RNF157: variants seen among roughly 807,000 people sequenced by gnomAD.
RNF157 encodes E3 ubiquitin ligase RNF157.
A neutral mutation model predicts 88.3 loss-of-function variants in RNF157; 55 were observed. The observed-to-expected ratio is 0.62, with a 90% CI of 0.50 to 0.78. The LOEUF is 0.78. Among genes scored for constraint, RNF157 ranks in the 30% least tolerant of loss-of-function variants. The pLI is 0.00. For missense variants in RNF157, 788 were observed against 860.8 expected, an observed-to-expected ratio of 0.92 and a Z score of 1.06; for synonymous variants, 334 against 341.2, an observed-to-expected ratio of 0.98 and a Z score of 0.23.
At chr17:76,188,679 TACAA>T (rs2069333672) in intron 2 of RNF157, among the ~76,000 whole-genome samples, 1 of 152,222 alleles carries the variant, frequency 6.6e-6, no homozygotes, top group Non-Finnish European at 1.5e-5. Flanking sequence ...TGGTCATTAA[TACAA>T]ACATTCTCTT....
chr17:76,169,413 T>G (rs1024842686), intron 3 of RNF157, among the ~76,000 whole-genome samples: 5 of 152,086 alleles, frequency 3.3e-5, no homozygotes, highest in Admixed American at 2.6e-4. Context: ...GCATAGCTTT[T>G]GTTTCCAATT....
At chr17:76,159,275 A>C in intron 12 of RNF157, 60 bp downstream of exon 12, 8 of 1,416,980 alleles carry the variant, frequency 5.6e-6, no homozygotes, top group Non-Finnish European at 8.0e-6. Flanking sequence ...AGCACCAAGG[A>C]GGGATGAAGC....
chr17:76,158,895 T>G (rs2068807045), intron 12 of RNF157, among the ~76,000 whole-genome samples: 2 of 152,106 alleles, frequency 1.3e-5, no homozygotes. Flanking sequence ...ATTTACAGGG[T>G]CTCAATATTT....
rs1022232178 is a variant in RNF157, at chr17:76,176,678, C to T, written c.208-2888G>A. ...CTGGAGGCCACCCCATGGGGCTGGC[C>T]GGGTTACCCACCAGCAGAGGAGCAG... On this transcript the variant is annotated intron_variant, in intron 2 of 18. Coordinates refer to ENST00000269391, the MANE Select transcript of RNF157 (RefSeq NM_052916.3). This position sits in a 1 kb window ranked among gnomAD's most constrained non-coding sequence, Gnocchi z 4.2. Among the ~76,000 whole-genome samples, 17 of 152,170 alleles carry T rather than the reference C, an allele frequency of 1.1e-4. No individual in the cohort carries two copies. The highest frequency in any genetic ancestry group is 3.9e-4 in the African/African-American group (16 of 41,438).
chr17:76,152,569 CAT>C, intron 17 of RNF157, 104 bp from the exon 18 acceptor site: 2 of 723,140 alleles, frequency 2.8e-6, no homozygotes, highest in South Asian at 3.2e-5. Context: ...AAAATCAAAT[CAT>C]ATGTTAAAAA....
Position 76,166,472 on chromosome 17 carries a change from T to C in RNF157, c.617A>G (p.Asp206Gly), listed in dbSNP as rs2068926626. The C allele has an allele frequency of 1.2e-6, 2 of 1,613,356 alleles. No homozygotes were observed. Among genetic ancestry groups the C allele is most frequent in the Non-Finnish European group, 1.7e-6 (2 of 1,179,818 alleles). The change falls in exon 6 of 19, where the codon GAT becomes GGT. Residue 206 changes from aspartate to glycine, a missense_variant. Physicochemically the swap from Asp to Gly is moderately conservative, Grantham distance 94. Coordinates refer to ENST00000269391, the MANE Select transcript of RNF157 (RefSeq NM_052916.3). ...VYPLVVHAVV[D>G]EGDEYFGHCH... ...GAAATCGCCCCTACCGTCTCCTTCA[T>C]CCACCACGGCATGTACCACTAGAGG...
intron 4 of RNF157, among the ~76,000 whole-genome samples, 178 bp from the exon 5 acceptor site, chr17:76,167,304 C>T (rs1188389515): frequency 6.6e-6 from 1 of 152,112 alleles, no homozygotes; most frequent in Non-Finnish European, 1.5e-5. Flanking sequence ...TCTATTCAAC[C>T]CACACATCCA....
At position 76,158,438 on chromosome 17, in the gene RNF157, C is replaced by T. The variant is rs367723900; in HGVS notation, c.1368G>A (p.Ser456=). The change falls in exon 13 of 19, where the codon TCG becomes TCA. Residue 456 remains serine, a synonymous_variant. Transcript: ENST00000269391. The part of the protein sequence containing the change: ...EEEDEHSCSE[S]ETQLSQRPSV... ...ACGGTCTCTGAGAGAGCTGTGTCTC[C>T]GACTCGCTGCAGGAATGCTCATCTT... 219 of 1,613,730 alleles carry T rather than the reference C, an allele frequency of 1.4e-4. No individual in the cohort carries two copies. Among genetic ancestry groups the T allele is most frequent in the South Asian group, 7.7e-5 (7 of 91,068 alleles).
At chr17:76,221,986 T>C (rs2069991246) in intron 1 of RNF157, among the ~76,000 whole-genome samples, 1 of 151,118 alleles carries the variant, frequency 6.6e-6, no homozygotes, top group Non-Finnish European at 1.5e-5. Context: ...ACAGAGAGAG[T>C]AGACTGGTGA....
chr17:76,163,752 G>A (rs1293051516), intron 8 of RNF157: 2 of 152,068 alleles, frequency 1.3e-5, no homozygotes, highest in Non-Finnish European at 2.9e-5. Flanking sequence ...CTAGCTACAC[G>A]AGCCTTTCCA....
At chr17:76,226,100 G>C in intron 1 of RNF157, 1 of 1,601,492 alleles carries the variant, frequency 6.2e-7, no homozygotes, top group East Asian at 2.2e-5. Context: ...CCTGGTAGAG[G>C]GGCTATGCTG....
intron 2 of RNF157, among the ~76,000 whole-genome samples, chr17:76,200,416 C>T (rs1272291739): frequency 2.6e-5 from 4 of 152,166 alleles, no homozygotes; most frequent in Non-Finnish European, 5.9e-5. Context: ...CTGACACATG[C>T]TACAACATGG....
chr17:76,222,994 C>T (rs111547576), intron 1 of RNF157, among the ~76,000 whole-genome samples: 3,911 of 151,894 alleles, frequency 0.026, 186 homozygotes, highest in African/African-American at 0.088. Flanking sequence ...GGGTTCACGC[C>T]GTTCTCCTGC....
intron 2 of RNF157, among the ~76,000 whole-genome samples, chr17:76,202,111 T>TTCTCTCTCTCTC (rs374396479): frequency 1.2e-4 from 16 of 133,984 alleles, no homozygotes; most frequent in African/African-American, 4.6e-4. Context: ...CAATCTCAGT[T>TTCTCTCTCTCTC]TCTCTCTCTC....
chr17:76,201,779 C>T (rs1055248037), intron 2 of RNF157, among the ~76,000 whole-genome samples: 4 of 152,044 alleles, frequency 2.6e-5, no homozygotes, highest in African/African-American at 9.7e-5. Context: ...GGACGCAGAT[C>T]TATCTAATTT....
chr17:76,189,703 G>T (rs1439497731), intron 2 of RNF157, among the ~76,000 whole-genome samples: 3 of 152,192 alleles, frequency 2.0e-5, no homozygotes, highest in Non-Finnish European at 2.9e-5. Flanking sequence ...CATGGCTGAG[G>T]AAACAAAAGG....
At chr17:76,178,517 G>C (rs1201072783) in intron 2 of RNF157, among the ~76,000 whole-genome samples, 1 of 152,234 alleles carries the variant, frequency 6.6e-6, no homozygotes, top group Non-Finnish European at 1.5e-5. Flanking sequence ...CTGGTAGTGT[G>C]AGCTGAGTGC....
rs554938534 is a variant in RNF157, at chr17:76,154,447, A to G, written c.1765-119T>C. 1.5e-4 allele frequency: 109 copies of G among 748,792 alleles called. 2 individuals carry two copies. In the South Asian group the frequency reaches 1.6e-3, roughly 11 times the overall value. 46.4% of individuals were successfully genotyped at this position (748,792 alleles called of 1,614,324 possible). A position where few individuals can be genotyped will look rare whatever the true frequency, so the allele number is the denominator to read the frequency against. On this transcript the variant is annotated intron_variant, in intron 16 of 18. Coordinates refer to ENST00000269391, the MANE Select transcript of RNF157 (RefSeq NM_052916.3). The stretch of plus-strand genomic sequence containing the variant: ...ACTCCAGGGCCTACGTTAATAGCAT[A>G]TATTTCCATCTGTGTTTAATATGCC...
chr17:76,174,862 T>C (rs111589608), intron 2 of RNF157, among the ~76,000 whole-genome samples: 113 of 152,370 alleles, frequency 7.4e-4, no homozygotes, highest in Middle Eastern at 3.4e-3. Context: ...ATTATCTTCA[T>C]TCAGATTACT....
Sources: allele counts gnomAD v4.1 joint callset (sites outside exome capture counted in the v4.1 genomes callset), GRCh38; gene constraint gnomAD v4.1.1; non-coding constraint Gnocchi (gnomAD v3.1); transcripts MANE v1.5; gene names NCBI Gene and HGNC (gene_info 2026-07-23, HGNC 2026-07-21).